The following SPTBN1 variants were observed in gnomAD, a reference collection of about 807,000 sequenced individuals.
SPTBN1 encodes the protein spectrin beta chain, non-erythrocytic 1.
SPTBN1 carries 32 observed loss-of-function variants against 266.4 expected under a neutral mutation model. That is an observed-to-expected ratio of 0.12 (90% CI 0.09 to 0.16). The LOEUF (loss-of-function observed/expected upper bound fraction) is 0.16. SPTBN1 is among the 10% of genes least tolerant of loss of function. SPTBN1 has a pLI of 1.00. For synonymous variants in SPTBN1, 1,336 were observed against 1,162.2 expected, an observed-to-expected ratio of 1.15 and a Z score of -3.04; for missense variants, 2,296 against 3,067.1, an observed-to-expected ratio of 0.75 and a Z score of 5.94.
At chr2:54,512,161 G>C (rs753720344) in intron 1 of SPTBN1, among the ~76,000 whole-genome samples, 3 of 152,192 alleles carry the variant, frequency 2.0e-5, no homozygotes, top group Non-Finnish European at 4.4e-5. Context: ...TACTTCGCTT[G>C]CTTGTCCGCT....
intron 1 of SPTBN1, among the ~76,000 whole-genome samples, chr2:54,519,967 C>T (rs1402861073): frequency 1.3e-5 from 2 of 151,984 alleles, no homozygotes; most frequent in African/African-American, 2.4e-5. Flanking sequence ...AGATGCAGGG[C>T]GTAGAGGTCG....
At chr2:54,563,850 C>T (rs1673492188) in intron 2 of SPTBN1, among the ~76,000 whole-genome samples, 1 of 152,054 alleles carries the variant, frequency 6.6e-6, no homozygotes, top group South Asian at 2.1e-4. Flanking sequence ...GATCTGCCTG[C>T]CTTGGCCTCC....
chr2:54,619,910 C>T (rs1385432913), intron 7 of SPTBN1, among the ~76,000 whole-genome samples: 1 of 152,130 alleles, frequency 6.6e-6, no homozygotes, highest in Non-Finnish European at 1.5e-5. Context: ...AACAATTTTG[C>T]TCCATACAAG....
chr2:54,465,325 C>T (rs547983003), intron 1 of SPTBN1, among the ~76,000 whole-genome samples: 1 of 152,256 alleles, frequency 6.6e-6, no homozygotes, highest in African/African-American at 2.4e-5. Flanking sequence ...AGTGGAATTC[C>T]ATGACGTGCA....
At chr2:54,661,698 G>A in intron 32 of SPTBN1, 1 of 985,688 alleles carries the variant, frequency 1.0e-6, no homozygotes, top group Non-Finnish European at 1.2e-6. Context: ...GTTACATTTT[G>A]TGTTTCATTG....
chr2:54,665,570 T>A (rs1407917617), intron 33 of SPTBN1, among the ~76,000 whole-genome samples: 1 of 152,170 alleles, frequency 6.6e-6, no homozygotes, highest in East Asian at 1.9e-4. Flanking sequence ...AGCATGGCCT[T>A]TAGCTCATGA....
At chr2:54,650,166 G>A (rs757957408) in intron 26 of SPTBN1, among the ~76,000 whole-genome samples, 177 bp downstream of exon 26, 3 of 152,156 alleles carry the variant, frequency 2.0e-5, no homozygotes, top group Non-Finnish European at 4.4e-5. Flanking sequence ...AGTCCATAAA[G>A]GTCTACGTTT....
At chr2:54,582,373 A>G (rs1166339604) in intron 2 of SPTBN1, among the ~76,000 whole-genome samples, 1 of 152,024 alleles carries the variant, frequency 6.6e-6, no homozygotes, top group Non-Finnish European at 1.5e-5. Flanking sequence ...CCCAGGTGTC[A>G]GGCAGGGGAG....
chr2:54,499,478 GTTGT>G (rs1669140096), intron 1 of SPTBN1, among the ~76,000 whole-genome samples: 1 of 152,198 alleles, frequency 6.6e-6, no homozygotes, highest in Non-Finnish European at 1.5e-5. Context: ...AAGGTGACTG[GTTGT>G]TTGCGTGTTG....
intron 33 of SPTBN1, among the ~76,000 whole-genome samples, chr2:54,665,385 A>T (rs1681301925): frequency 6.6e-6 from 1 of 152,206 alleles, no homozygotes; most frequent in South Asian, 2.1e-4. Flanking sequence ...AAATTAGTAT[A>T]TTAGGACAGT....
intron 1 of SPTBN1, among the ~76,000 whole-genome samples, chr2:54,498,841 G>C (rs1391003502): frequency 6.6e-6 from 1 of 152,160 alleles, no homozygotes; most frequent in African/African-American, 2.4e-5. Context: ...TACATGTGTT[G>C]GTGCATAGAG....
intron 1 of SPTBN1, chr2:54,516,285 A>G (rs1478907223): frequency 6.6e-6 from 1 of 152,178 alleles, no homozygotes; most frequent in Non-Finnish European, 1.5e-5. Context: ...TCTACTTCAA[A>G]AGGTTGCTGA....
At chr2:54,489,276 A>G (rs1316566996) in intron 1 of SPTBN1, among the ~76,000 whole-genome samples, 1 of 151,658 alleles carries the variant, frequency 6.6e-6, no homozygotes, top group Non-Finnish European at 1.5e-5. Flanking sequence ...AGCCATGATC[A>G]TGCCACTGTG....
intron 1 of SPTBN1, among the ~76,000 whole-genome samples, chr2:54,473,437 C>G (rs1298064302): frequency 1.3e-5 from 2 of 151,926 alleles, no homozygotes; most frequent in Non-Finnish European, 2.9e-5. Context: ...CTTTATTGAG[C>G]CTATGACTTC....
At chr2:54,546,129 A>G (rs1291788606) in intron 2 of SPTBN1, among the ~76,000 whole-genome samples, 1 of 152,196 alleles carries the variant, frequency 6.6e-6, no homozygotes, top group Admixed American at 6.5e-5. Context: ...TTTCCTGTGT[A>G]ATGATTTTTG....
Position 54,593,953 on chromosome 2 carries a change from C to T in SPTBN1, c.149-5139C>T, listed in dbSNP as rs145013803. Among the ~76,000 whole-genome samples, 1,115 of 149,934 alleles carry T rather than the reference C, an allele frequency of 7.4e-3. 14 individuals carry two copies. The highest frequency in any genetic ancestry group is 0.064 in the South Asian group (302 of 4,740). ...GGTTCAAGTAGTTCTCCTGCCTCAGCCTCCTGAGTAGCTGGGTTACAGGTG... is the reference window on the plus strand; with the variant it reads ...GGTTCAAGTAGTTCTCCTGCCTCAGTCTCCTGAGTAGCTGGGTTACAGGTG... On this transcript the variant is annotated intron_variant, in intron 2 of 35. Coordinates refer to ENST00000356805, the MANE Select transcript of SPTBN1 (RefSeq NM_003128.3).
At chr2:54,559,011 C>A in intron 2 of SPTBN1, 2 of 1,118,412 alleles carry the variant, frequency 1.8e-6, no homozygotes, top group Non-Finnish European at 2.5e-6. Context: ...TGGTTGGCTG[C>A]GGGCACCCCA....
chr2:54,495,555 A>T (rs373265936), intron 1 of SPTBN1, among the ~76,000 whole-genome samples: 184 of 152,344 alleles, frequency 1.2e-3, no homozygotes, highest in South Asian at 2.9e-3. Context: ...TAAGAAAAAT[A>T]AGAAAATTTA....
At chr2:54,608,680 G>C (rs756116621) in intron 3 of SPTBN1, among the ~76,000 whole-genome samples, 3 of 151,778 alleles carry the variant, frequency 2.0e-5, no homozygotes, top group Non-Finnish European at 4.4e-5. Context: ...CATTTTGTGT[G>C]CGTGTGTGTG....
Sources: gnomAD v4.1 joint callset for allele counts (sites outside exome capture counted in the v4.1 genomes callset) on GRCh38, gnomAD v4.1.1 for gene constraint, MANE v1.5 for transcripts, NCBI Gene and HGNC (gene_info 2026-07-23, HGNC 2026-07-21) for gene names.